Variants in HCRTR2 observed in about 807,000 individuals in gnomAD.
HCRTR2 encodes the protein orexin receptor type 2.
HCRTR2 carries 22 observed loss-of-function variants against 49.0 expected under a neutral mutation model. The ratio of observed to expected loss-of-function variants is 0.45; its 90% CI spans 0.32 to 0.64. The LOEUF is 0.64. Ranked by LOEUF, HCRTR2 falls within the 30% of genes least tolerant of loss-of-function variation. HCRTR2 has a pLI of 0.04. For synonymous variants in HCRTR2, 236 were observed against 205.3 expected (o/e 1.15, Z -1.28); for missense variants, 491 against 559.4 (o/e 0.88, Z 1.23).
intron 1 of HCRTR2, among the ~76,000 whole-genome samples, chr6:55,164,761 C>G (rs973833096): frequency 2.7e-5 from 4 of 147,518 alleles, no homozygotes; most frequent in African/African-American, 9.9e-5. Flanking sequence ...TATCCCAGAA[C>G]TTAAAGTATT....
At chr6:55,115,495 T>C (rs1764103962) in intron 1 of HCRTR2, among the ~76,000 whole-genome samples, 1 of 151,180 alleles carries the variant, frequency 6.6e-6, no homozygotes, top group African/African-American at 2.4e-5. Context: ...TGTGTGTGTG[T>C]GTGTGTGTGT....
intron 1 of HCRTR2, among the ~76,000 whole-genome samples, chr6:55,161,609 G>C (rs958870639): frequency 6.6e-6 from 1 of 152,042 alleles, no homozygotes; most frequent in Non-Finnish European, 1.5e-5. Flanking sequence ...GAAGAAAAGA[G>C]AGAAGAATTG....
At chr6:55,268,553 G>GTT (rs1430536740) in intron 4 of HCRTR2, among the ~76,000 whole-genome samples, 2 of 151,902 alleles carry the variant, frequency 1.3e-5, no homozygotes, top group Non-Finnish European at 2.9e-5. Flanking sequence ...CACAAAAAGG[G>GTT]AGTTAATGTG....
At chr6:55,237,536 A>G (rs986384847) in intron 1 of HCRTR2, among the ~76,000 whole-genome samples, 1 of 152,192 alleles carries the variant, frequency 6.6e-6, no homozygotes, top group Non-Finnish European at 1.5e-5. Context: ...AGCATCTCAT[A>G]TTATCAGCTT....
At chr6:55,133,737 A>G (rs1032225801) in intron 1 of HCRTR2, among the ~76,000 whole-genome samples, 1 of 151,534 alleles carries the variant, frequency 6.6e-6, no homozygotes, top group African/African-American at 2.4e-5. Flanking sequence ...CTGTCTTGGT[A>G]TTCTTTTAAG....
At chr6:55,122,861 G>A (rs1046931221) in intron 1 of HCRTR2, among the ~76,000 whole-genome samples, 102 of 150,032 alleles carry the variant, frequency 6.8e-4, no homozygotes, top group African/African-American at 2.3e-3. Context: ...GCAAACTATC[G>A]CAAGGACAAA....
chr6:55,170,977 A>G (rs1008305654), upstream of HCRTR2, among the ~76,000 whole-genome samples: 8 of 151,816 alleles, frequency 5.3e-5, no homozygotes, highest in African/African-American at 1.9e-4. Context: ...AATCCAGTCT[A>G]TCATTGTTGG....
chr6:55,222,521 A>G (rs930128421), intron 1 of HCRTR2, among the ~76,000 whole-genome samples: 1 of 152,218 alleles, frequency 6.6e-6, no homozygotes, highest in African/African-American at 2.4e-5. Context: ...AATAGTCAAG[A>G]GGTGGAAACA....
intron 1 of HCRTR2, among the ~76,000 whole-genome samples, chr6:55,235,663 T>C (rs1051575831): frequency 6.6e-6 from 1 of 152,088 alleles, no homozygotes; most frequent in Non-Finnish European, 1.5e-5. Flanking sequence ...TATGATGTGA[T>C]GTAGAAATCA....
rs1244015194 is a variant in HCRTR2 at position 55,280,401 on chromosome 6, T to C, written c.1062T>C (p.Tyr354=). The C allele has an allele frequency of 2.5e-6, 4 of 1,612,324 alleles. 1 individual carries two copies. The highest frequency in any genetic ancestry group is 3.3e-5 in the Admixed American group (2 of 59,992). The change falls in exon 6 of 7, where the codon TAT becomes TAC. Residue 354 remains tyrosine (Y), a synonymous_variant. Transcript: ENST00000370862. The part of the protein sequence containing the change: ...AWFTFSHWLV[Y]ANSAANPIIY... The stretch of plus-strand genomic sequence containing the variant: ...TTACCTTTTCACACTGGCTTGTATA[T>C]GCCAATAGTGCTGCGAATCCAATTA...
At chr6:55,122,635 A>G (rs1764217069) in intron 1 of HCRTR2, among the ~76,000 whole-genome samples, 1 of 152,072 alleles carries the variant, frequency 6.6e-6, no homozygotes, top group Non-Finnish European at 1.5e-5. Flanking sequence ...CCAAAGGATT[A>G]TAAATCATGC....
At chr6:55,116,314 C>T (rs563749557) in intron 1 of HCRTR2, among the ~76,000 whole-genome samples, 6 of 151,686 alleles carry the variant, frequency 4.0e-5, no homozygotes, top group East Asian at 3.9e-4. Context: ...TTATTTGAGT[C>T]GACTAATTTT....
intron 2 of HCRTR2, among the ~76,000 whole-genome samples, chr6:55,252,804 C>T (rs1199143580): frequency 2.0e-5 from 3 of 152,138 alleles, no homozygotes; most frequent in Non-Finnish European, 4.4e-5. Context: ...CTCTGAAAAG[C>T]AATCTGTTCC....
chr6:55,280,258 T>C (rs1581876046), intron 5 of HCRTR2, 65 bp from the exon 6 acceptor site: 6 of 1,084,974 alleles, frequency 5.5e-6, no homozygotes, highest in East Asian at 2.4e-5. Flanking sequence ...CCTCTACCAA[T>C]AGCCTTGTTC....
intron 1 of HCRTR2, among the ~76,000 whole-genome samples, chr6:55,128,175 G>C (rs1261270551): frequency 6.6e-6 from 1 of 152,152 alleles, no homozygotes; most frequent in Admixed American, 6.6e-5. Context: ...TTATTGAATA[G>C]GGAGCCCTTT....
At chr6:55,261,210 A>G (rs1362748270) in intron 3 of HCRTR2, among the ~76,000 whole-genome samples, 1 of 152,138 alleles carries the variant, frequency 6.6e-6, no homozygotes, top group Non-Finnish European at 1.5e-5. Context: ...AATATCTTCT[A>G]AAATCTACAG....
intron 2 of HCRTR2, among the ~76,000 whole-genome samples, chr6:55,251,615 G>A (rs1766551868): frequency 6.6e-6 from 1 of 151,874 alleles, no homozygotes; most frequent in African/African-American, 2.4e-5. Flanking sequence ...GGTCAAACAA[G>A]CTCCCTCTCT....
At chr6:55,114,032 C>A (rs1281050407) in intron 1 of HCRTR2, among the ~76,000 whole-genome samples, 1 of 151,794 alleles carries the variant, frequency 6.6e-6, no homozygotes, top group Non-Finnish European at 1.5e-5. Flanking sequence ...AGTTAAATAA[C>A]TCAGGAATGG....
rs1554171107 is a variant in HCRTR2 at position 55,192,413 on chromosome 6, G to GCACACACA, written c.223+17622_223+17629dup. ...TAAACACACACACACGCGCGCGCGC[G>GCACACACA]CACACACACACACACACACACACAC... On this transcript the variant is annotated intron_variant, in intron 1 of 6. Transcript: ENST00000370862. Among the ~76,000 whole-genome samples, 478 of 128,506 alleles carry GCACACACA rather than the reference G, an allele frequency of 3.7e-3. 1 individual carries two copies. Among genetic ancestry groups the GCACACACA allele is most frequent in the East Asian group, 0.011 (47 of 4,274 alleles). 84.3% of individuals were successfully genotyped at this position (128,506 alleles called of 152,430 possible).
Sources: allele counts gnomAD v4.1 joint callset (sites outside exome capture counted in the v4.1 genomes callset), GRCh38; gene constraint gnomAD v4.1.1; transcripts MANE v1.5; gene names NCBI Gene and HGNC (gene_info 2026-07-23, HGNC 2026-07-21).